The following PDLIM5 variants were observed in gnomAD, a reference collection of about 807,000 sequenced individuals.
PDLIM5 encodes PDZ and LIM domain protein 5.
PDLIM5 carries 34 observed loss-of-function variants against 64.2 expected under a neutral mutation model. The observed-to-expected ratio is 0.53, with a 90% CI of 0.40 to 0.71. The LOEUF is 0.71. Among genes scored for constraint, PDLIM5 ranks in the 30% least tolerant of loss-of-function variants. PDLIM5 has a pLI of 0.00. For synonymous variants in PDLIM5, 253 were observed against 269.1 expected, an observed-to-expected ratio of 0.94 and a Z score of 0.59; for missense variants, 683 against 733.6, an observed-to-expected ratio of 0.93 and a Z score of 0.80.
intron 3 of PDLIM5, among the ~76,000 whole-genome samples, chr4:94,532,022 A>G (rs1730919923): frequency 6.6e-6 from 1 of 152,130 alleles, no homozygotes; most frequent in East Asian, 1.9e-4. Flanking sequence ...TCCCATCCTA[A>G]GCCAGAAAGT....
chr4:94,452,697 G>T (rs1722966345), intron 1 of PDLIM5, among the ~76,000 whole-genome samples: 6 of 152,164 alleles, frequency 3.9e-5, no homozygotes, highest in Admixed American at 3.9e-4. Context: ...CGTGTGGACA[G>T]GGCAGAGCTT....
intron 3 of PDLIM5, among the ~76,000 whole-genome samples, chr4:94,565,270 T>A (rs1734215960): frequency 6.6e-6 from 1 of 152,156 alleles, no homozygotes; most frequent in South Asian, 2.1e-4. Flanking sequence ...TTTATAAAAA[T>A]ACAGGCTGAT....
intron 7 of PDLIM5, chr4:94,610,301 C>T: frequency 6.6e-7 from 1 of 1,511,080 alleles, no homozygotes; most frequent in Non-Finnish European, 8.8e-7. Flanking sequence ...GCTACAAAAA[C>T]CAGGTAGAAC....
At chr4:94,617,644 C>CAAAAAAAAA (rs61055444) in intron 7 of PDLIM5, among the ~76,000 whole-genome samples, 1 of 66,588 alleles carries the variant, frequency 1.5e-5, no homozygotes, top group African/African-American at 5.3e-5. Context: ...CCTGTGTCTA[C>CAAAAAAAAA]AAAAAAAAAA....
chr4:94,603,973 A>G (rs1456818003), intron 7 of PDLIM5, among the ~76,000 whole-genome samples: 1 of 152,220 alleles, frequency 6.6e-6, no homozygotes, highest in Non-Finnish European at 1.5e-5. Flanking sequence ...ATTAATAACT[A>G]AAGGGCAATT....
At chr4:94,656,111 T>C (rs1254915263) in intron 10 of PDLIM5, among the ~76,000 whole-genome samples, 1 of 152,180 alleles carries the variant, frequency 6.6e-6, no homozygotes, top group Non-Finnish European at 1.5e-5. Flanking sequence ...ACACAAAAAA[T>C]TTAAAGAATA....
At chr4:94,566,487 G>A (rs577920631) in intron 3 of PDLIM5, among the ~76,000 whole-genome samples, 5 of 152,182 alleles carry the variant, frequency 3.3e-5, no homozygotes, top group Admixed American at 6.5e-5. Context: ...ATCTGCTTAC[G>A]GGGAAGGTGC....
At chr4:94,534,242 A>G (rs1195156511) in intron 3 of PDLIM5, among the ~76,000 whole-genome samples, 1 of 152,206 alleles carries the variant, frequency 6.6e-6, no homozygotes, top group Non-Finnish European at 1.5e-5. Context: ...ATATTCATGT[A>G]TATTCCCTTT....
At chr4:94,645,951 TA>T (rs1741378331) in intron 9 of PDLIM5, among the ~76,000 whole-genome samples, 1 of 152,212 alleles carries the variant, frequency 6.6e-6, no homozygotes, top group Non-Finnish European at 1.5e-5. Flanking sequence ...GTTGAACAGT[TA>T]AATATTCTCA....
chr4:94,627,859 G>A (rs1161542949), intron 8 of PDLIM5, among the ~76,000 whole-genome samples: 7 of 152,192 alleles, frequency 4.6e-5, no homozygotes, highest in Non-Finnish European at 1.0e-4. Flanking sequence ...CTGAGATACT[G>A]TGATTGCCTA....
At chr4:94,655,854 A>G (rs1742169853) in intron 10 of PDLIM5, among the ~76,000 whole-genome samples, 2 of 152,184 alleles carry the variant, frequency 1.3e-5, no homozygotes, top group Admixed American at 1.3e-4. Context: ...TTATTTGATT[A>G]CCTGTTAAAG....
intron 5 of PDLIM5, among the ~76,000 whole-genome samples, chr4:94,583,673 G>A (rs1213109173): frequency 6.6e-6 from 1 of 152,056 alleles, no homozygotes; most frequent in African/African-American, 2.4e-5. Context: ...TTTACTTGTG[G>A]AATCATGATA....
chr4:94,636,258 T>C lies in PDLIM5; in HGVS notation c.1109-4018T>C, dbSNP rs537999207. Reference sequence around the variant, plus strand: ...CAGTACTTTAGAGCTTATGCATAGATAATGTGATAAAATAAAGGCATATGG... The same window carrying C: ...CAGTACTTTAGAGCTTATGCATAGACAATGTGATAAAATAAAGGCATATGG... On this transcript the variant is annotated intron_variant, in intron 8 of 12. Transcript: ENST00000317968. 1.1e-4 allele frequency among the ~76,000 whole-genome samples: 16 copies of C among 152,308 alleles called. No individual in the cohort carries two copies. In the South Asian group the frequency reaches 3.3e-3, roughly 32 times the overall value.
chr4:94,548,829 C>T (rs547886362), intron 3 of PDLIM5, among the ~76,000 whole-genome samples: 7 of 152,166 alleles, frequency 4.6e-5, no homozygotes, highest in Non-Finnish European at 7.4e-5. Context: ...TTTGATGTCC[C>T]GTGGCTGGCC....
chr4:94,545,129 A>T (rs1044064656), intron 3 of PDLIM5, among the ~76,000 whole-genome samples: 1 of 152,232 alleles, frequency 6.6e-6, no homozygotes, highest in Non-Finnish European at 1.5e-5. Context: ...TTAAAAAGTT[A>T]AGCCTCAATT....
Position 94,478,906 on chromosome 4 carries a change from T to G in PDLIM5, c.96+23522T>G, listed in dbSNP as rs993032368. On this transcript the variant is annotated intron_variant, in intron 2 of 12. Transcript: ENST00000317968. ...GTGCTTGGTGTTTTTTTTTTTTTTT[T>G]TTTTTTTTTTTAAGACAGGGTCTTG... is the stretch of plus-strand genomic sequence containing the variant. 5.4e-5 allele frequency among the ~76,000 whole-genome samples: 8 copies of G among 147,516 alleles called. No homozygotes were observed. The South Asian group carries it at 1.1e-3, about 20-fold the overall frequency.
intron 5 of PDLIM5, among the ~76,000 whole-genome samples, chr4:94,583,666 A>G (rs948560914): frequency 4.6e-5 from 7 of 152,174 alleles, no homozygotes; most frequent in Non-Finnish European, 5.9e-5. Flanking sequence ...TAGATGTTTT[A>G]CTTGTGGAAT....
At chr4:94,519,438 A>G (rs564847240) in intron 2 of PDLIM5, among the ~76,000 whole-genome samples, 5 of 152,288 alleles carry the variant, frequency 3.3e-5, no homozygotes, top group African/African-American at 1.2e-4. Flanking sequence ...GGACTTAGAG[A>G]GGTCAAGTAA....
chr4:94,484,920 A>G (rs1726176442), intron 2 of PDLIM5, among the ~76,000 whole-genome samples: 1 of 152,156 alleles, frequency 6.6e-6, no homozygotes, highest in Admixed American at 6.5e-5. Context: ...TTATCTTGAC[A>G]TGGGGAGCGT....
Sources: gnomAD v4.1 joint callset for allele counts (sites outside exome capture counted in the v4.1 genomes callset) on GRCh38, gnomAD v4.1.1 for gene constraint, MANE v1.5 for transcripts, NCBI Gene and HGNC (gene_info 2026-07-23, HGNC 2026-07-21) for gene names.